The following GEMIN2 variants were observed in gnomAD, a reference collection of about 807,000 sequenced individuals.
The protein encoded by GEMIN2 is gem-associated protein 2.
A neutral mutation model predicts 45.8 loss-of-function variants in GEMIN2; 37 were observed. The observed-to-expected ratio is 0.81, with a 90% confidence interval of 0.62 to 1.06. The LOEUF is 1.06. Ranked by LOEUF, GEMIN2 falls within the 50% of genes least tolerant of loss-of-function variation. The probability of loss-of-function intolerance (pLI) is 0.00; values close to 1 mark genes in which losing one functional copy is unlikely to be tolerated. For missense variants in GEMIN2, 335 were observed against 321.8 expected (o/e 1.04, Z -0.31); for synonymous variants, 101 against 111.5 (o/e 0.91, Z 0.60).
At chr14:39,126,007 G>A (rs1347070055) in intron 6 of GEMIN2, among the ~76,000 whole-genome samples, 2 of 149,076 alleles carry the variant, frequency 1.3e-5, no homozygotes, top group African/African-American at 2.5e-5. Context: ...GCGACAGGGC[G>A]AGACTCTGTC....
Position 39,122,534 on chromosome 14 carries a change from T to C in GEMIN2, c.477T>C (p.Asp159=). ...GPATNESPGI[D]YVQIGFPPLL... is the part of the protein sequence containing the mutation. Reference sequence around the variant, plus strand: ...CCACAAATGAAAGTCCTGGAATAGATTATGTACAAGTAAGGGCTGTGTGGA... The same window carrying C: ...CCACAAATGAAAGTCCTGGAATAGACTATGTACAAGTAAGGGCTGTGTGGA... The change falls in exon 5 of 10, where the codon GAT becomes GAC. Residue 159 remains aspartate (D), a synonymous_variant. Coordinates refer to ENST00000308317, the MANE Select transcript of GEMIN2 (RefSeq NM_003616.3). 6.5e-7 allele frequency: 1 copy of C among 1,537,792 alleles called. No homozygotes were observed. The highest frequency in any genetic ancestry group is 9.0e-7 in the Non-Finnish European group (1 of 1,113,132).
chr14:39,130,189 A>T (rs781414497), intron 7 of GEMIN2, among the ~76,000 whole-genome samples: 37 of 151,782 alleles, frequency 2.4e-4, no homozygotes, highest in Non-Finnish European at 4.3e-4. Flanking sequence ...ATTTTTTTTT[A>T]TAGAAAAAGA....
intron 8 of GEMIN2, among the ~76,000 whole-genome samples, chr14:39,132,404 G>A (rs996067706): frequency 1.3e-5 from 2 of 151,918 alleles, no homozygotes; most frequent in African/African-American, 2.4e-5. Flanking sequence ...GGTGGTGGGT[G>A]CTTGTCATCC....
At chr14:39,114,970 G>T in intron 2 of GEMIN2, 57 bp downstream of exon 2, 1 of 817,282 alleles carries the variant, frequency 1.2e-6, no homozygotes, top group South Asian at 1.4e-5. Flanking sequence ...AAAGACTAAC[G>T]CTCTTCCTAT....
chr14:39,121,417 C>A (rs1350750301), intron 4 of GEMIN2, among the ~76,000 whole-genome samples: 1 of 152,068 alleles, frequency 6.6e-6, no homozygotes, highest in East Asian at 1.9e-4. Flanking sequence ...GCCTGTAGTC[C>A]CAGCTACTCA....
At chr14:39,135,782 C>A (rs1327561179) in intron 9 of GEMIN2, among the ~76,000 whole-genome samples, 1 of 152,028 alleles carries the variant, frequency 6.6e-6, no homozygotes, top group Non-Finnish European at 1.5e-5. Flanking sequence ...AGTTACCTTG[C>A]CAAAGTTAAA....
intron 8 of GEMIN2, among the ~76,000 whole-genome samples, chr14:39,132,881 G>A (rs1024688747): frequency 1.3e-5 from 2 of 150,494 alleles, no homozygotes; most frequent in Non-Finnish European, 3.0e-5. Context: ...GTTTCACCAT[G>A]TTGGCCAGAC....
At chr14:39,115,260 C>T (rs4902405) in intron 2 of GEMIN2, among the ~76,000 whole-genome samples, 32,992 of 151,996 alleles carry the variant, frequency 0.22, 4,006 homozygotes, top group Middle Eastern at 0.36. Flanking sequence ...TCTGGAACTC[C>T]TGGCCTCAAG....
In GEMIN2 at chr14:39,129,236, G is replaced by A. The variant is rs114000511; in HGVS notation, c.600+888G>A. Among the ~76,000 whole-genome samples the A allele has an allele frequency of 4.5e-3, 680 of 152,182 alleles. 7 individuals carry two copies. Among genetic ancestry groups the A allele is most frequent in the African/African-American group, 0.016 (655 of 41,502 alleles). On this transcript the variant is annotated intron_variant, in intron 7 of 9. Coordinates refer to ENST00000308317, the MANE Select transcript of GEMIN2 (RefSeq NM_003616.3). ...ATAGGTTTGTAGCCTAGGAGCAATT[G>A]GCTATGCAATATAGTCTAGGTATAG...
chr14:39,122,895 T>G (rs2139341305), intron 5 of GEMIN2, among the ~76,000 whole-genome samples: 1 of 152,330 alleles, frequency 6.6e-6, no homozygotes, highest in East Asian at 1.9e-4. Context: ...TATGTTTGGC[T>G]TGGTAATCAT....
Position 39,133,727 on chromosome 14 carries a change from T to C in GEMIN2, c.770+8T>C. On this transcript the variant is annotated splice_region_variant and intron_variant, in intron 9 of 9. Coordinates refer to ENST00000308317, the MANE Select transcript of GEMIN2 (RefSeq NM_003616.3). ...AATCTGCTTGGTTAGCAGGTATAGT[T>C]AATCCTTGGCTTCTTTATTATTTAT... The C allele has an allele frequency of 6.9e-7, 1 of 1,456,564 alleles. No homozygotes were observed. The highest frequency in any genetic ancestry group is 1.2e-5 in the South Asian group (1 of 80,868). 90.2% of individuals were successfully genotyped at this position (1,456,564 alleles called of 1,614,324 possible).
chr14:39,114,491 C>T lies in GEMIN2; in HGVS notation c.137+16C>T. 2 of 1,603,476 alleles carry T rather than the reference C, an allele frequency of 1.2e-6. No individual in the cohort carries two copies. The highest frequency in any genetic ancestry group is 8.5e-7 in the Non-Finnish European group (1 of 1,171,552). ...GGCGGGTCCAGTGAGTGATTCGGCC[C>T]TGGGCGGGTGGGCTGGTCTTCTGCC... On this transcript the variant is annotated intron_variant, in intron 1 of 9. Transcript: ENST00000308317.
At chr14:39,121,265 C>G (rs1316424108) in intron 4 of GEMIN2, among the ~76,000 whole-genome samples, 1 of 152,180 alleles carries the variant, frequency 6.6e-6, no homozygotes, top group Non-Finnish European at 1.5e-5. Flanking sequence ...GGCACAGTGG[C>G]TCACACTTGT....
At chr14:39,118,993 C>T (rs1329454670) in intron 4 of GEMIN2, among the ~76,000 whole-genome samples, 1 of 151,964 alleles carries the variant, frequency 6.6e-6, no homozygotes, top group Non-Finnish European at 1.5e-5. Context: ...CCAGGCTGGT[C>T]TCTTACTCCT....
rs145262678 is a variant in GEMIN2, at chr14:39,119,230, A to G, written c.372+631A>G. Among the ~76,000 whole-genome samples, 334 of 152,274 alleles carry G rather than the reference A, an allele frequency of 2.2e-3. 3 individuals carry two copies. The highest frequency in any genetic ancestry group is 7.5e-3 in the African/African-American group (310 of 41,558). On this transcript the variant is annotated intron_variant, in intron 4 of 9. Transcript: ENST00000308317. ...AAAAAATTGAATAAAGCCTTAATGG[A>G]TTTTCCTGATGAGGTGATGGTGCCA...
chr14:39,126,750 G>C (rs886635789), intron 6 of GEMIN2, among the ~76,000 whole-genome samples: 41 of 144,724 alleles, frequency 2.8e-4, no homozygotes, highest in Non-Finnish European at 5.3e-4. Flanking sequence ...TAAACTGATG[G>C]TTTTTTTGTT....
chr14:39,129,424 T>C (rs891563128), intron 7 of GEMIN2, among the ~76,000 whole-genome samples: 2 of 152,170 alleles, frequency 1.3e-5, no homozygotes, highest in African/African-American at 4.8e-5. Flanking sequence ...TATTTATTTG[T>C]TTGTTTTGAC....
In GEMIN2 at chr14:39,114,424, T is replaced by G; in HGVS notation, c.86T>G (p.Phe29Cys). ...GAGCCTTGCGACTTGACGGAAGGTTTCGATCCCTCGGTACCCCCGAGGACG... is the reference window on the plus strand; with the variant it reads ...GAGCCTTGCGACTTGACGGAAGGTTGCGATCCCTCGGTACCCCCGAGGACG... ...PVEPCDLTEG[F>C]DPSVPPRTPQ... The change falls in exon 1 of 10, where the codon TTC becomes TGC. Residue 29 changes from phenylalanine (F) to cysteine (C), a missense_variant. Transcript: ENST00000308317. The G allele has an allele frequency of 6.2e-7, 1 of 1,614,114 alleles. No individual in the cohort carries two copies. Among genetic ancestry groups the G allele is most frequent in the Non-Finnish European group, 8.5e-7 (1 of 1,179,952 alleles).
At chr14:39,132,208 C>G (rs370382753) in intron 8 of GEMIN2, 140 bp downstream of exon 8, 8 of 615,484 alleles carry the variant, frequency 1.3e-5, no homozygotes, top group African/African-American at 9.3e-5. Flanking sequence ...ATAATAGTAG[C>G]TTAAATAATA....
Sources: allele counts gnomAD v4.1 joint callset (sites outside exome capture counted in the v4.1 genomes callset), GRCh38; gene constraint gnomAD v4.1.1; transcripts MANE v1.5; gene names NCBI Gene and HGNC (gene_info 2026-07-23, HGNC 2026-07-21).